HIVEP3: variants seen among roughly 807,000 people sequenced by gnomAD.
The protein encoded by HIVEP3 is transcription factor HIVEP3.
HIVEP3 carries 49 observed loss-of-function variants against 152.8 expected under a neutral mutation model. The ratio of observed to expected loss-of-function variants is 0.32; its 90% CI spans 0.26 to 0.41. HIVEP3 has a LOEUF of 0.41. Ranked by LOEUF, HIVEP3 falls within the 10% of genes least tolerant of loss-of-function variation. The pLI is 1.00. For missense variants in HIVEP3, 2,790 were observed against 3,103.3 expected, an observed-to-expected ratio of 0.90 and a Z score of 2.40; for synonymous variants, 1,269 against 1,289.0, an observed-to-expected ratio of 0.98 and a Z score of 0.33.
chr1:41,982,486 C>T (rs1472547966), intron 1 of HIVEP3, among the ~76,000 whole-genome samples: 1 of 152,074 alleles, frequency 6.6e-6, no homozygotes, highest in South Asian at 2.1e-4. Context: ...TCTGATAAAT[C>T]GTGTCCTTCA....
chr1:41,843,494 T>C (rs1013087454), intron 1 of HIVEP3, among the ~76,000 whole-genome samples: 9 of 151,382 alleles, frequency 5.9e-5, no homozygotes, highest in African/African-American at 2.2e-4. Context: ...TCCCACAAAC[T>C]CCAGTAAAGA....
At chr1:41,911,830 GT>G (rs1373887280) in intron 1 of HIVEP3, among the ~76,000 whole-genome samples, 1 of 152,128 alleles carries the variant, frequency 6.6e-6, no homozygotes, top group Admixed American at 6.5e-5. Flanking sequence ...GCCAGAGCTG[GT>G]ACCCAAGACC....
Position 41,992,256 on chromosome 1 carries a change from A to T in HIVEP3, n.119+43551T>A, listed in dbSNP as rs200336368. On this transcript the variant is annotated intron_variant and non_coding_transcript_variant, in intron 1 of 3. Coordinates refer to the HIVEP3 transcript ENST00000489103. ...ATTGTATATCTAGAAAACCCCATTG[A>T]CTCAGCCCAAAATCTCCTTAAGCGA... is the stretch of plus-strand genomic sequence containing the variant. Among the ~76,000 whole-genome samples the T allele has an allele frequency of 4.9e-4, 75 of 152,226 alleles. No homozygotes were observed. In the South Asian group the frequency reaches 8.3e-3, roughly 17 times the overall value.
chr1:41,652,157 G>C lies in HIVEP3; in HGVS notation c.-720-23210C>G, dbSNP rs117426672. Among the ~76,000 whole-genome samples the C allele has an allele frequency of 2.4e-3, 363 of 152,278 alleles. 5 individuals carry two copies. In the South Asian group the frequency reaches 0.033, roughly 14 times the overall value. The stretch of plus-strand genomic sequence containing the variant: ...AACTTGTTTGAGGTAACACAGGTCA[G>C]ATAAGAACACGCCAGAGTCTGAAGG... On this transcript the variant is annotated intron_variant, in intron 2 of 8. Transcript: ENST00000372583.
At chr1:41,883,551 C>T (rs773397618) in intron 1 of HIVEP3, among the ~76,000 whole-genome samples, 12 of 152,222 alleles carry the variant, frequency 7.9e-5, no homozygotes, top group Non-Finnish European at 1.8e-4. Flanking sequence ...AACTGCAACT[C>T]ACCTGCAATG....
chr1:41,718,845 T>A (rs184128439), intron 1 of HIVEP3, among the ~76,000 whole-genome samples: 95 of 152,242 alleles, frequency 6.2e-4, no homozygotes, highest in African/African-American at 2.2e-3. Flanking sequence ...CCATAAGACC[T>A]TGACCCAGCC....
At chr1:41,646,449 A>G (rs1344135056) in intron 2 of HIVEP3, among the ~76,000 whole-genome samples, 2 of 152,176 alleles carry the variant, frequency 1.3e-5, no homozygotes, top group East Asian at 3.8e-4. Flanking sequence ...CTTGCAGGAG[A>G]TGGGACGGGA....
intron 2 of HIVEP3, among the ~76,000 whole-genome samples, chr1:41,631,990 T>C (rs1391523879): frequency 2.0e-5 from 3 of 152,178 alleles, no homozygotes; most frequent in Non-Finnish European, 2.9e-5. Flanking sequence ...TGCTGAATCC[T>C]GCCCATCTTC....
chr1:41,673,573 C>G (rs1474828942), intron 2 of HIVEP3, among the ~76,000 whole-genome samples: 3 of 152,182 alleles, frequency 2.0e-5, no homozygotes, highest in Non-Finnish European at 4.4e-5. Flanking sequence ...CTCACTGTAT[C>G]TCACTGCTTG....
At chr1:41,545,060 T>C (rs1175210948) in intron 5 of HIVEP3, among the ~76,000 whole-genome samples, 188 of 31,688 alleles carry the variant, frequency 5.9e-3, no homozygotes, top group East Asian at 0.024. Flanking sequence ...CCACCATCAC[T>C]ACCACCACCA....
intron 1 of HIVEP3, among the ~76,000 whole-genome samples, chr1:41,767,089 A>G (rs923588331): frequency 3.9e-5 from 6 of 152,116 alleles, no homozygotes; most frequent in African/African-American, 1.2e-4. Context: ...GTGGTCCACA[A>G]TGGTTCTTAC....
rs115126063 is a variant in HIVEP3, at chr1:41,706,773, T to G, written c.-800-5778A>C. ...CACCAGGGTCTTTGTTTCAAGGAGTTTCTGAGCAACACAATGGACAACTTT... is the reference window on the plus strand; with the variant it reads ...CACCAGGGTCTTTGTTTCAAGGAGTGTCTGAGCAACACAATGGACAACTTT... On this transcript the variant is annotated intron_variant, in intron 1 of 8. Transcript: ENST00000372583. Among the ~76,000 whole-genome samples the G allele has an allele frequency of 1.8e-3, 275 of 152,308 alleles. 1 individual carries two copies. The highest frequency in any genetic ancestry group is 3.1e-3 in the Non-Finnish European group (212 of 68,018).
rs556437221 is a variant in HIVEP3, at chr1:41,603,102, T to C, written c.-521-17784A>G. Among the ~76,000 whole-genome samples the C allele has an allele frequency of 2.4e-4, 37 of 152,320 alleles. No homozygotes were observed. The South Asian group carries it at 7.5e-3, about 31-fold the overall frequency. ...TATTTTTTGAGACTGAGTCTCGCCC[T>C]GTCACCCAGGCTGCAGTGTAGCGGC... On this transcript the variant is annotated intron_variant, in intron 3 of 8. Coordinates refer to ENST00000372583, the MANE Select transcript of HIVEP3 (RefSeq NM_024503.5).
At chr1:41,993,791 ACATATACAC>A (rs1645377985) in intron 1 of HIVEP3, among the ~76,000 whole-genome samples, 2 of 151,910 alleles carry the variant, frequency 1.3e-5, no homozygotes, top group South Asian at 4.2e-4. Flanking sequence ...AAAATGTGGC[ACATATACAC>A]CATGGAATAC....
chr1:41,693,562 C>G (rs529196559), intron 2 of HIVEP3, among the ~76,000 whole-genome samples: 2 of 152,282 alleles, frequency 1.3e-5, no homozygotes, highest in Middle Eastern at 3.4e-3. Context: ...TGCTGCTAAC[C>G]TTTTACCCAT....
chr1:41,953,588 C>T (rs1645122428), intron 1 of HIVEP3, among the ~76,000 whole-genome samples: 2 of 152,060 alleles, frequency 1.3e-5, no homozygotes, highest in South Asian at 2.1e-4. Context: ...AATTTGTAGC[C>T]CCACCCCATG....
At chr1:42,015,152 A>C (rs1381295518) in intron 1 of HIVEP3, among the ~76,000 whole-genome samples, 2 of 152,202 alleles carry the variant, frequency 1.3e-5, no homozygotes, top group Non-Finnish European at 2.9e-5. Context: ...CCACCAAAGC[A>C]AAGAAATAAA....
Position 41,895,904 on chromosome 1 carries a change from A to G in HIVEP3, c.-801+22509T>C, listed in dbSNP as rs79675090. Among the ~76,000 whole-genome samples, 788 of 152,362 alleles carry G rather than the reference A, an allele frequency of 5.2e-3. 10 individuals are homozygous for G. The highest frequency in any genetic ancestry group is 0.018 in the African/African-American group (747 of 41,586). ...AGACTATGTTTGAGCAAAGTGAGAA[A>G]GGCCATTCATTGGTACCCTCAGTTA... On this transcript the variant is annotated intron_variant, in intron 1 of 8. Coordinates refer to ENST00000372583, the MANE Select transcript of HIVEP3 (RefSeq NM_024503.5).
intron 1 of HIVEP3, among the ~76,000 whole-genome samples, chr1:41,956,798 A>T (rs1351450565): frequency 6.6e-6 from 1 of 152,228 alleles, no homozygotes; most frequent in East Asian, 1.9e-4. Context: ...GGAGCAAATT[A>T]TTGAAGCTAC....
Sources: gnomAD v4.1 joint callset for allele counts (sites outside exome capture counted in the v4.1 genomes callset) on GRCh38, gnomAD v4.1.1 for gene constraint, MANE v1.5 for transcripts, NCBI Gene and HGNC (gene_info 2026-07-23, HGNC 2026-07-21) for gene names.